Variants in LGALS13 observed in about 807,000 individuals in gnomAD.
LGALS13 encodes the protein galactoside-binding soluble lectin 13.
Under a neutral mutation model 13.2 loss-of-function variants are expected in LGALS13, and 11 were observed. The ratio of observed to expected loss-of-function variants is 0.83; its 90% CI spans 0.52 to 1.38. LGALS13 has a LOEUF of 1.38. Among genes scored for constraint, LGALS13 ranks in the 40% most tolerant of loss-of-function variants. The pLI is 0.00. For synonymous variants in LGALS13, 71 were observed against 63.7 expected, an observed-to-expected ratio of 1.11 and a Z score of -0.54; for missense variants, 183 against 174.3, an observed-to-expected ratio of 1.05 and a Z score of -0.28.
chr19:39,606,331 A>T (rs756111363), intron 3 of LGALS13, among the ~76,000 whole-genome samples: 1 of 152,240 alleles, frequency 6.6e-6, no homozygotes, highest in East Asian at 1.9e-4. Flanking sequence ...TAAAGATTGC[A>T]TAATATTGTG....
At chr19:39,607,110 G>T in intron 3 of LGALS13, 113 bp from the exon 4 acceptor site, 1 of 798,036 alleles carries the variant, frequency 1.3e-6, no homozygotes, top group Non-Finnish European at 2.3e-6. Context: ...ACGTTAACTT[G>T]TATAACTAGG....
chr19:39,605,444 G>T, intron 3 of LGALS13, 56 bp downstream of exon 3: 1 of 1,443,880 alleles, frequency 6.9e-7, no homozygotes, highest in Admixed American at 1.7e-5. Flanking sequence ...AAAACAGGAG[G>T]CAGCTCTCAT....
chr19:39,604,501 C>G, intron 1 of LGALS13, 101 bp from the exon 2 acceptor site: 1 of 1,284,112 alleles, frequency 7.8e-7, no homozygotes, highest in Admixed American at 1.7e-5. Context: ...TCCACAGAGT[C>G]TGCCCTTTCA....
At chr19:39,605,592 C>T (rs57438550) in intron 3 of LGALS13, among the ~76,000 whole-genome samples, 2,199 of 152,206 alleles carry the variant, frequency 0.014, 47 homozygotes, top group African/African-American at 0.05. Context: ...GTCAGCTCAC[C>T]TGACATTTCC....
intron 2 of LGALS13, 44 bp from the exon 3 acceptor site, chr19:39,605,134 G>C: frequency 6.6e-7 from 1 of 1,505,854 alleles, no homozygotes; most frequent in South Asian, 1.1e-5. Flanking sequence ...GTGTGTCTGC[G>C]CAAGGGAGGG....
chr19:39,603,239 C>T lies in LGALS13; in HGVS notation c.15+656C>T, dbSNP rs143384165. ...CAGAATGTATGATCAGTAGATGTCTCTTCCCAGTAAGAGTGGGGAAGAGGA... is the reference window on the plus strand; with the variant it reads ...CAGAATGTATGATCAGTAGATGTCTTTTCCCAGTAAGAGTGGGGAAGAGGA... On this transcript the variant is annotated intron_variant, in intron 1 of 3. Coordinates refer to ENST00000221797, the MANE Select transcript of LGALS13 (RefSeq NM_013268.3). Among the ~76,000 whole-genome samples, 1,323 of 152,142 alleles carry T rather than the reference C, an allele frequency of 8.7e-3. 25 individuals are homozygous for T. The highest frequency in any genetic ancestry group is 0.028 in the African/African-American group (1,158 of 41,504).
rs1972670313 is a variant in LGALS13, at chr19:39,605,353, G to C, written c.268G>C (p.Glu90Gln). ...YVPFEDGKQFELCIYVHYNEY... is the reference protein window; with the variant it reads ...YVPFEDGKQFQLCIYVHYNEY... ...GCCCTTTGAGGATGGCAAACAATTT[G>C]AGCTGTGCATCTACGTACATTACAA... The change falls in exon 3 of 4, where the codon GAG becomes CAG. Residue 90 changes from glutamate to glutamine, a missense_variant. Glu to Gln is a conservative substitution (Grantham distance 29). Transcript: ENST00000221797. 2.5e-5 allele frequency: 40 copies of C among 1,614,168 alleles called. No individual in the cohort carries two copies. Among genetic ancestry groups the C allele is most frequent in the Non-Finnish European group, 3.2e-5 (38 of 1,180,030 alleles).
intron 1 of LGALS13, chr19:39,603,831 G>T: frequency 1.6e-6 from 1 of 610,674 alleles, no homozygotes; most frequent in South Asian, 7.3e-5. Context: ...CAGCCTGGGT[G>T]ACAGAGCAAG....
At chr19:39,604,505 C>T in intron 1 of LGALS13, 97 bp from the exon 2 acceptor site, 1 of 1,338,860 alleles carries the variant, frequency 7.5e-7, no homozygotes, top group Non-Finnish European at 1.1e-6. Context: ...CAGAGTCTGC[C>T]CTTTCATCTC....
intron 1 of LGALS13, among the ~76,000 whole-genome samples, chr19:39,603,677 C>A (rs1347097250): frequency 1.3e-5 from 2 of 151,894 alleles, no homozygotes; most frequent in African/African-American, 4.8e-5. Flanking sequence ...GAGTGAGACC[C>A]TTTCTTTAAA....
chr19:39,602,604 C>G, intron 1 of LGALS13, 21 bp downstream of exon 1: 1 of 1,613,536 alleles, frequency 6.2e-7, no homozygotes, highest in South Asian at 1.1e-5. Flanking sequence ...AAGGCACAGC[C>G]TTCAAAAATT....
chr19:39,607,141 T>C (rs1245776250), intron 3 of LGALS13, 82 bp from the exon 4 acceptor site: 3 of 910,836 alleles, frequency 3.3e-6, no homozygotes, highest in Non-Finnish European at 5.6e-6. Flanking sequence ...GGGAATGTTA[T>C]TTGTACCAGG....
chr19:39,607,166 A>T (rs754764635), intron 3 of LGALS13, 57 bp from the exon 4 acceptor site: 1 of 1,203,160 alleles, frequency 8.3e-7, no homozygotes, highest in Non-Finnish European at 1.2e-6. Flanking sequence ...AGTGGAGAGG[A>T]GGCCGAAAAC....
rs77369992 is a variant in LGALS13, at chr19:39,605,216, T to G, written c.131T>G (p.Met44Arg). Residue 44 changes from methionine to arginine, a missense_variant, in exon 3 of 4, where the codon ATG becomes AGG. Coordinates refer to ENST00000221797, the MANE Select transcript of LGALS13 (RefSeq NM_013268.3). ...CTGCAGGTGGATTTCTACACTGACA[T>G]GGATGAGGATTCAGATATTGCCTTC... Reference protein sequence around the residue: ...PQLQVDFYTDMDEDSDIAFRF... With the variant: ...PQLQVDFYTDRDEDSDIAFRF... 5.0e-6 allele frequency: 8 copies of G among 1,614,242 alleles called. No homozygotes were observed. Among genetic ancestry groups the G allele is most frequent in the East Asian group, 2.2e-5 (1 of 44,890 alleles).
chr19:39,603,986 T>G (rs1405159824), intron 1 of LGALS13: 10 of 985,282 alleles, frequency 1.0e-5, no homozygotes, highest in Non-Finnish European at 9.6e-6. Flanking sequence ...GTGCCCCTTC[T>G]TGGAAGGATG....
At chr19:39,604,123 T>C (rs576848333) in intron 1 of LGALS13, 61 of 389,906 alleles carry the variant, frequency 1.6e-4, no homozygotes, top group Middle Eastern at 2.7e-3. Flanking sequence ...AATTCTTACA[T>C]TTACAAGTCT....
chr19:39,603,935 C>T (rs1972640987), intron 1 of LGALS13: 2 of 985,232 alleles, frequency 2.0e-6, no homozygotes, highest in Non-Finnish European at 2.4e-6. Context: ...GACCCACAAG[C>T]TTCATTTGTG....
chr19:39,603,168 G>A (rs1396177589), intron 1 of LGALS13, among the ~76,000 whole-genome samples: 7 of 152,126 alleles, frequency 4.6e-5, no homozygotes, highest in Non-Finnish European at 8.8e-5. Context: ...TGGGGATCTT[G>A]GGGATTGTGA....
intron 1 of LGALS13, chr19:39,603,946 C>A (rs1972641189): frequency 3.0e-6 from 3 of 985,232 alleles, no homozygotes; most frequent in African/African-American, 3.5e-5. Flanking sequence ...TTCATTTGTG[C>A]AAGTACTGGG....
Sources: gnomAD v4.1 joint callset for allele counts (sites outside exome capture counted in the v4.1 genomes callset) on GRCh38, gnomAD v4.1.1 for gene constraint, MANE v1.5 for transcripts, NCBI Gene and HGNC (gene_info 2026-07-23, HGNC 2026-07-21) for gene names.